MAP2K6: variants seen among roughly 807,000 people sequenced by gnomAD.
MAP2K6 encodes mitogen-activated protein kinase kinase 6.
MAP2K6 carries 16 observed loss-of-function variants against 53.7 expected under a neutral mutation model. That is an observed-to-expected ratio of 0.30 (90% CI 0.20 to 0.45). The LOEUF (loss-of-function observed/expected upper bound fraction) is 0.45. MAP2K6 is among the 20% of genes least tolerant of loss of function. MAP2K6 has a pLI of 1.00. For missense variants in MAP2K6, 204 were observed against 411.9 expected, an observed-to-expected ratio of 0.50 and a Z score of 4.37; for synonymous variants, 132 against 143.1, an observed-to-expected ratio of 0.92 and a Z score of 0.55.
intron 1 of MAP2K6, among the ~76,000 whole-genome samples, chr17:69,472,145 T>G (rs908816879): frequency 6.6e-6 from 1 of 152,150 alleles, no homozygotes; most frequent in Non-Finnish European, 1.5e-5. Context: ...GAGCCAAACA[T>G]ATTCACACAT....
At chr17:69,485,806 T>C (rs558425928) in intron 1 of MAP2K6, among the ~76,000 whole-genome samples, 5 of 152,356 alleles carry the variant, frequency 3.3e-5, no homozygotes, top group African/African-American at 1.2e-4. Context: ...CTCTGGCCTC[T>C]TTTGACCCTT....
chr17:69,491,085 T>G lies in MAP2K6; in HGVS notation c.17-14695T>G, dbSNP rs575062472. 1.1e-4 allele frequency among the ~76,000 whole-genome samples: 16 copies of G among 152,262 alleles called. No homozygotes were observed. In the East Asian group the frequency reaches 3.1e-3, roughly 29 times the overall value. On this transcript the variant is annotated intron_variant, in intron 1 of 11. Coordinates refer to ENST00000590474, the MANE Select transcript of MAP2K6 (RefSeq NM_002758.4). ...TTTATGGCTGCATAGTACTTCGTGG[T>G]GTATATGTACCACATTGTCTTTTTT...
At chr17:69,426,137 G>T (rs1349152507) in intron 1 of MAP2K6, among the ~76,000 whole-genome samples, 3 of 152,262 alleles carry the variant, frequency 2.0e-5, no homozygotes, top group Middle Eastern at 3.4e-3. Flanking sequence ...ACATCCTCCT[G>T]TGTAGCTGGG....
chr17:69,453,166 T>G (rs1907287232), intron 1 of MAP2K6, among the ~76,000 whole-genome samples: 1 of 152,122 alleles, frequency 6.6e-6, no homozygotes, highest in Non-Finnish European at 1.5e-5. Flanking sequence ...GGGAGGAGAA[T>G]AAAAGGGAGA....
chr17:69,441,540 T>C (rs1465575577), intron 1 of MAP2K6, among the ~76,000 whole-genome samples: 1 of 152,220 alleles, frequency 6.6e-6, no homozygotes, highest in Non-Finnish European at 1.5e-5. Context: ...TTCAGGCATA[T>C]TCAAATGCTC....
At chr17:69,434,225 A>G (rs532463487) in intron 1 of MAP2K6, 1 of 152,214 alleles carries the variant, frequency 6.6e-6, no homozygotes, top group Non-Finnish European at 1.5e-5. Context: ...CTACCATTTG[A>G]TGACTCAACT....
rs77963779 is a variant in MAP2K6, at chr17:69,491,945, G to A, written c.17-13835G>A. On this transcript the variant is annotated intron_variant, in intron 1 of 11. Transcript: ENST00000590474. ...TTTTTCACATGCTTGTTAGCCACAT[G>A]TATATCTTCTTTTGAAAAGTGTCTG... is the stretch of plus-strand genomic sequence containing the variant. Among the ~76,000 whole-genome samples, 141 of 152,038 alleles carry A rather than the reference G, an allele frequency of 9.3e-4. 1 individual carries two copies. The East Asian group carries it at 0.026, about 28-fold the overall frequency.
At chr17:69,528,264 A>T (rs1051867059) in intron 10 of MAP2K6, among the ~76,000 whole-genome samples, 2 of 152,038 alleles carry the variant, frequency 1.3e-5, no homozygotes, top group African/African-American at 4.8e-5. Flanking sequence ...TTCCCTGATG[A>T]TGTATGAGGC....
At chr17:69,420,728 A>G (rs1906050854) in intron 1 of MAP2K6, among the ~76,000 whole-genome samples, 1 of 109,278 alleles carries the variant, frequency 9.2e-6, no homozygotes, top group African/African-American at 4.2e-5. Context: ...AATAATCCAC[A>G]TTTATAAAAT....
chr17:69,441,539 A>G (rs1906819996), intron 1 of MAP2K6, among the ~76,000 whole-genome samples: 1 of 152,206 alleles, frequency 6.6e-6, no homozygotes, highest in South Asian at 2.1e-4. Flanking sequence ...TTTCAGGCAT[A>G]TTCAAATGCT....
At chr17:69,467,587 G>A (rs1232803813) in intron 1 of MAP2K6, among the ~76,000 whole-genome samples, 3 of 152,288 alleles carry the variant, frequency 2.0e-5, no homozygotes, top group Non-Finnish European at 4.4e-5. Flanking sequence ...TAGGTTGACT[G>A]TTAAGTAATG....
At chr17:69,417,134 A>G (rs1208604942) in intron 1 of MAP2K6, among the ~76,000 whole-genome samples, 1 of 152,196 alleles carries the variant, frequency 6.6e-6, no homozygotes, top group African/African-American at 2.4e-5. Flanking sequence ...ATTGGTAGAA[A>G]GAAGTGGGTG....
intron 1 of MAP2K6, among the ~76,000 whole-genome samples, chr17:69,481,185 C>T (rs1009654936): frequency 6.6e-6 from 1 of 152,096 alleles, no homozygotes. Flanking sequence ...CATCACTTTA[C>T]TTTCTGTCTG....
At chr17:69,486,569 A>G (rs1908545035) in intron 1 of MAP2K6, among the ~76,000 whole-genome samples, 1 of 152,220 alleles carries the variant, frequency 6.6e-6, no homozygotes, top group African/African-American at 2.4e-5. Flanking sequence ...GAATCCATTA[A>G]GGGACTAAGA....
intron 1 of MAP2K6, among the ~76,000 whole-genome samples, chr17:69,478,008 T>C (rs892463450): frequency 6.6e-6 from 1 of 151,856 alleles, no homozygotes; most frequent in Non-Finnish European, 1.5e-5. Context: ...CAGGTAAAGG[T>C]GTTAAAGGTG....
In MAP2K6 at chr17:69,521,118, G is replaced by C. The variant is rs906241550; in HGVS notation, c.535+18G>C. The C allele has an allele frequency of 1.2e-6, 2 of 1,607,252 alleles. No homozygotes were observed. The highest frequency in any genetic ancestry group is 2.2e-5 in the South Asian group (2 of 90,012). On this transcript the variant is annotated intron_variant, in intron 7 of 11. Coordinates refer to ENST00000590474, the MANE Select transcript of MAP2K6 (RefSeq NM_002758.4). ...TCACAGAGGTAAGCATCCATGAGCT[G>C]CCTTGGCTGTTCCTTTGATAAAGTT...
chr17:69,458,991 G>T (rs1020877369), intron 1 of MAP2K6, among the ~76,000 whole-genome samples: 2 of 152,068 alleles, frequency 1.3e-5, no homozygotes, highest in Admixed American at 6.5e-5. Context: ...ATTTGTATTT[G>T]GTTCTAACCT....
intron 1 of MAP2K6, among the ~76,000 whole-genome samples, chr17:69,419,069 C>G (rs747685065): frequency 2.5e-4 from 38 of 152,068 alleles, no homozygotes; most frequent in Admixed American, 9.2e-4. Flanking sequence ...TTTTTATACT[C>G]TACCATATAT....
chr17:69,437,249 T>C (rs1399356355), intron 1 of MAP2K6, among the ~76,000 whole-genome samples: 2 of 152,256 alleles, frequency 1.3e-5, no homozygotes, highest in Non-Finnish European at 2.9e-5. Context: ...TTATATACTA[T>C]GTTATTACAA....
Sources: allele counts gnomAD v4.1 joint callset (sites outside exome capture counted in the v4.1 genomes callset), GRCh38; gene constraint gnomAD v4.1.1; transcripts MANE v1.5; gene names NCBI Gene and HGNC (gene_info 2026-07-23, HGNC 2026-07-21).